TBC1D9: variants seen among roughly 807,000 people sequenced by gnomAD.
The protein encoded by TBC1D9 is TBC1 domain family member 9, also known as TBC1 domain family member 9A.
TBC1D9 carries 63 observed loss-of-function variants against 132.0 expected under a neutral mutation model. The ratio of observed to expected loss-of-function variants is 0.48; its 90% confidence interval spans 0.39 to 0.59. The LOEUF (loss-of-function observed/expected upper bound fraction) is 0.59. TBC1D9 is among the 20% of genes least tolerant of loss of function. The pLI, the probability that TBC1D9 is intolerant of heterozygous loss-of-function variation, is 0.00. For synonymous variants in TBC1D9, 610 were observed against 609.9 expected (o/e 1.00, Z 0.00); for missense variants, 1,261 against 1,592.7 (o/e 0.79, Z 3.54).
At chr4:140,689,036 G>T (rs1209257946) in intron 2 of TBC1D9, among the ~76,000 whole-genome samples, 1 of 152,040 alleles carries the variant, frequency 6.6e-6, no homozygotes. Flanking sequence ...ATCTGTGCTT[G>T]TTGGCACTGT....
At chr4:140,623,160 C>T (rs1736648280) in intron 20 of TBC1D9, among the ~76,000 whole-genome samples, 2 of 152,190 alleles carry the variant, frequency 1.3e-5, no homozygotes, top group Non-Finnish European at 2.9e-5. Context: ...TCACGGTTCA[C>T]TGCAGCCTCA....
rs5862494 is a variant in TBC1D9 at position 140,684,240 on chromosome 4, T to TA, written c.360+2103dup. ...AATGTAGTGAGTCTCTGTCCCTAAT[T>TA]AAAAAAAAAAAAAAAGTTAAGAAAA... On this transcript the variant is annotated intron_variant, in intron 3 of 20. Coordinates refer to ENST00000442267, the MANE Select transcript of TBC1D9 (RefSeq NM_015130.3). Among the ~76,000 whole-genome samples the TA allele has an allele frequency of 5.2e-3, 672 of 130,372 alleles. 5 individuals carry two copies. The highest frequency in any genetic ancestry group is 7.9e-3 in the Non-Finnish European group (471 of 59,902). 85.5% of individuals were successfully genotyped at this position (130,372 alleles called of 152,430 possible).
intron 9 of TBC1D9, 143 bp from the exon 10 acceptor site, chr4:140,662,250 T>C (rs1262488680): frequency 1.3e-6 from 1 of 757,688 alleles, no homozygotes; most frequent in African/African-American, 1.7e-5. Flanking sequence ...AGATGTGGTA[T>C]GTTGCAATCG....
Position 140,639,378 on chromosome 4 carries a change from C to A in TBC1D9, c.2388G>T (p.Gln796His), listed in dbSNP as rs1347698602. Residue 796 changes from glutamine (Q) to histidine (H), a missense_variant, in exon 14 of 21, where the codon CAG becomes CAT. Gln to His is a conservative substitution (Grantham distance 24, BLOSUM62 0). This residue lies in a region of TBC1D9 where 618 missense variants were observed against 724.4 expected (regional missense o/e 0.85). Coordinates refer to ENST00000442267, the MANE Select transcript of TBC1D9 (RefSeq NM_015130.3). ...ADLIEQMRFK[Q>H]RLKVIQTLED... Reference sequence around the variant, plus strand: ...CCAGCGTCTGGATCACTTTCAGTCTCTGTTTGAATCTCATCTGTTCAATCA... The same window carrying A: ...CCAGCGTCTGGATCACTTTCAGTCTATGTTTGAATCTCATCTGTTCAATCA... 1.2e-6 allele frequency: 2 copies of A among 1,613,186 alleles called. No individual in the cohort carries two copies. Among genetic ancestry groups the A allele is most frequent in the Non-Finnish European group, 1.7e-6 (2 of 1,179,588 alleles).
intron 13 of TBC1D9, chr4:140,643,915 G>A: frequency 2.9e-6 from 2 of 686,874 alleles, no homozygotes. Context: ...AGAGGCGGCA[G>A]CTCTGCGGGG....
At chr4:140,640,526 G>C (rs886696467) in intron 13 of TBC1D9, among the ~76,000 whole-genome samples, 1 of 152,210 alleles carries the variant, frequency 6.6e-6, no homozygotes, top group Admixed American at 6.5e-5. Flanking sequence ...TACATTGTCA[G>C]GGTGAGGGAG....
In TBC1D9 at chr4:140,621,520, G is replaced by T. The variant is rs1402404186; in HGVS notation, c.*675C>A. 6.6e-6 allele frequency: 1 copy of T among 152,080 alleles called. No individual in the cohort carries two copies. The highest frequency in any genetic ancestry group is 1.5e-5 in the Non-Finnish European group (1 of 68,012). 9.4% of individuals were successfully genotyped at this position (152,080 alleles called of 1,614,324 possible). A position where few individuals can be genotyped will look rare whatever the true frequency, so the allele number is the denominator to read the frequency against. ...AGAACAATTTCTTAAATGCAAAATT[G>T]GTCTGGTATCTGTCTAAATTGGTCA... On this transcript the variant is annotated 3_prime_UTR_variant, in exon 21 of 21. Coordinates refer to ENST00000442267, the MANE Select transcript of TBC1D9 (RefSeq NM_015130.3).
At chr4:140,704,053 T>C (rs1440351183) in intron 1 of TBC1D9, among the ~76,000 whole-genome samples, 3 of 152,204 alleles carry the variant, frequency 2.0e-5, no homozygotes, top group African/African-American at 7.2e-5. Flanking sequence ...TCATATATGT[T>C]GGTTCTAAGG....
chr4:140,640,300 A>C (rs6537002), intron 13 of TBC1D9, among the ~76,000 whole-genome samples: 1 of 151,914 alleles, frequency 6.6e-6, no homozygotes, highest in Non-Finnish European at 1.5e-5. Flanking sequence ...AGGGAAAAAA[A>C]GAGGGAGGGT....
intron 1 of TBC1D9, among the ~76,000 whole-genome samples, chr4:140,734,507 G>A (rs558399804): frequency 3.9e-5 from 6 of 152,228 alleles, no homozygotes; most frequent in African/African-American, 1.4e-4. Flanking sequence ...CATACATAAC[G>A]CAGGCCAGGT....
chr4:140,724,007 C>T (rs749169854), intron 1 of TBC1D9, among the ~76,000 whole-genome samples: 8 of 152,116 alleles, frequency 5.3e-5, no homozygotes, highest in East Asian at 1.9e-4. Flanking sequence ...ACTCCCAAAG[C>T]GCTGGGATTA....
chr4:140,624,268 T>G (rs753545914), intron 19 of TBC1D9, 46 bp downstream of exon 19: 3 of 1,611,116 alleles, frequency 1.9e-6, no homozygotes, highest in African/African-American at 2.7e-5. Context: ...AAAAAACAAG[T>G]GTACAACCAG....
At chr4:140,643,477 C>T (rs1000182220) in intron 13 of TBC1D9, 33 of 891,628 alleles carry the variant, frequency 3.7e-5, no homozygotes, top group Admixed American at 7.5e-5. Context: ...CAGGTGCTGC[C>T]GGGCACAGGC....
At chr4:140,640,837 C>A (rs1370296663) in intron 13 of TBC1D9, among the ~76,000 whole-genome samples, 2 of 151,270 alleles carry the variant, frequency 1.3e-5, no homozygotes, top group Non-Finnish European at 2.9e-5. Context: ...ACTGAACATT[C>A]TCATATTCCA....
intron 13 of TBC1D9, among the ~76,000 whole-genome samples, chr4:140,647,355 C>T (rs1578823243): frequency 6.6e-6 from 1 of 152,172 alleles, no homozygotes; most frequent in African/African-American, 2.4e-5. Flanking sequence ...TCTGTAACTC[C>T]ACCAACTACC....
chr4:140,678,122 G>A (rs554304977), intron 5 of TBC1D9, among the ~76,000 whole-genome samples: 3 of 151,580 alleles, frequency 2.0e-5, no homozygotes, highest in African/African-American at 7.3e-5. Flanking sequence ...TATTTGATCC[G>A]CTGCAGTAGC....
At chr4:140,739,747 A>G (rs1478859921) in intron 1 of TBC1D9, among the ~76,000 whole-genome samples, 3 of 152,248 alleles carry the variant, frequency 2.0e-5, no homozygotes, top group Non-Finnish European at 1.5e-5. Context: ...ACATGCCTAT[A>G]GTCCCAGCTA....
At chr4:140,688,873 T>G (rs1737829535) in intron 2 of TBC1D9, among the ~76,000 whole-genome samples, 1 of 152,168 alleles carries the variant, frequency 6.6e-6, no homozygotes, top group Non-Finnish European at 1.5e-5. Flanking sequence ...ACTTAAAAAT[T>G]TTAAATACTA....
At chr4:140,665,969 C>G (rs1025831422) in intron 9 of TBC1D9, among the ~76,000 whole-genome samples, 18 of 152,168 alleles carry the variant, frequency 1.2e-4, no homozygotes, top group African/African-American at 4.1e-4. Context: ...CAAGCATGAG[C>G]CACTGTGCCC....
Sources: gnomAD v4.1 joint callset for allele counts (sites outside exome capture counted in the v4.1 genomes callset) on GRCh38, gnomAD v4.1.1 for gene constraint, gnomAD v4.1.1 regional missense constraint, MANE v1.5 for transcripts, NCBI Gene and HGNC (gene_info 2026-07-23, HGNC 2026-07-21) for gene names.